Variants in RHOBTB2 observed in about 807,000 individuals in gnomAD.
RHOBTB2 encodes Rho related BTB domain containing 2, also known as rho-related BTB domain-containing protein 2.
RHOBTB2 carries 39 observed loss-of-function variants against 66.5 expected under a neutral mutation model. The observed-to-expected ratio is 0.59, with a 90% confidence interval of 0.45 to 0.77. The LOEUF is 0.77. RHOBTB2 is among the 30% of genes least tolerant of loss of function. The probability of loss-of-function intolerance (pLI) is 0.00; values close to 1 mark genes in which losing one functional copy is unlikely to be tolerated. For synonymous variants in RHOBTB2, 390 were observed against 395.0 expected, an observed-to-expected ratio of 0.99 and a Z score of 0.15; for missense variants, 755 against 999.1, an observed-to-expected ratio of 0.76 and a Z score of 3.29.
chr8:23,014,965 C>G (rs1252854901), intron 8 of RHOBTB2, among the ~76,000 whole-genome samples, 187 bp downstream of exon 8: 1 of 152,094 alleles, frequency 6.6e-6, no homozygotes, highest in East Asian at 1.9e-4. Flanking sequence ...CCCTGGTGTA[C>G]CCGGAGGGGA....
the RHOBTB2 span, among the ~76,000 whole-genome samples, chr8:22,974,540 C>T: frequency 6.6e-6 from 1 of 152,224 alleles, no homozygotes; most frequent in African/African-American, 2.4e-5. Flanking sequence ...AATTTTCCTC[C>T]TCCTGAGGCC....
intron 6 of RHOBTB2, among the ~76,000 whole-genome samples, chr8:23,009,600 C>T (rs1399151703): frequency 2.0e-5 from 3 of 152,180 alleles, no homozygotes; most frequent in African/African-American, 4.8e-5. Context: ...ACCCTCTCAG[C>T]GCCAGTCTCT....
intron 1 of RHOBTB2, among the ~76,000 whole-genome samples, chr8:23,000,441 AAAC>A (rs1473127814): frequency 6.6e-6 from 1 of 152,254 alleles, no homozygotes; most frequent in East Asian, 1.9e-4. Context: ...TCTGTTAAGA[AAAC>A]AAACACAAAA....
At chr8:23,005,574 G>A (rs1476563386) in intron 3 of RHOBTB2, 99 bp downstream of exon 3, 1 of 855,668 alleles carries the variant, frequency 1.2e-6, no homozygotes, top group Non-Finnish European at 1.9e-6. Context: ...CAGCTGGCAA[G>A]AAGAAGTGGA....
the RHOBTB2 span, among the ~76,000 whole-genome samples, chr8:22,974,393 G>A: frequency 6.6e-6 from 1 of 152,206 alleles, no homozygotes; most frequent in African/African-American, 2.4e-5. Context: ...ACAAGGCAGA[G>A]GCAAAGTGCG....
rs138772875 is a variant in RHOBTB2 at position 23,017,424 on chromosome 8, G to A, written c.2139G>A (p.Ser713=). Residue 713 remains serine, a synonymous_variant, in exon 10 of 10, where the codon TCG becomes TCA. Coordinates refer to ENST00000251822, the MANE Select transcript of RHOBTB2 (RefSeq NM_015178.3). This position sits in a 1 kb window ranked among gnomAD's most constrained non-coding sequence, Gnocchi z 5.3. The part of the protein sequence containing the change: ...FWNSPSSPSS[S]AASSSSPSSS... ...ACAGTCCATCCTCCCCGTCTTCCTC[G>A]GCAGCCTCCTCCTCATCCCCATCTT... 140 of 1,610,276 alleles carry A rather than the reference G, an allele frequency of 8.7e-5. No homozygotes were observed. The highest frequency in any genetic ancestry group is 2.7e-4 in the Admixed American group (16 of 59,332).
upstream of RHOBTB2, among the ~76,000 whole-genome samples, chr8:22,986,425 C>A (rs1258760491): frequency 6.6e-6 from 1 of 151,832 alleles, no homozygotes; most frequent in South Asian, 2.1e-4. Context: ...GGCTACCATG[C>A]CTGGCTAATT....
chr8:22,978,587 AG>A, the RHOBTB2 span, among the ~76,000 whole-genome samples: 5 of 144,848 alleles, frequency 3.5e-5, no homozygotes, highest in South Asian at 6.5e-4. Context: ...TTTTTTTTTT[AG>A]TTTTTTTTAT....
chr8:22,955,564 CTTTTTT>C, the RHOBTB2 span, among the ~76,000 whole-genome samples: 2 of 103,968 alleles, frequency 1.9e-5, no homozygotes, highest in Non-Finnish European at 3.9e-5. Flanking sequence ...TTCAATAAAT[CTTTTTT>C]TTTTTTTTTT....
chr8:23,003,303 C>T (rs1007349273), intron 1 of RHOBTB2, among the ~76,000 whole-genome samples: 1 of 152,242 alleles, frequency 6.6e-6, no homozygotes, highest in Non-Finnish European at 1.5e-5. Context: ...TACAGAAGTG[C>T]CTTCTGTTTG....
chr8:23,002,869 C>T (rs925325395), intron 1 of RHOBTB2, among the ~76,000 whole-genome samples: 3 of 152,170 alleles, frequency 2.0e-5, no homozygotes, highest in Non-Finnish European at 2.9e-5. Flanking sequence ...CCTTGCTGCA[C>T]TTTTTGCTTA....
At chr8:22,958,694 G>T in the RHOBTB2 span, among the ~76,000 whole-genome samples, 3 of 150,844 alleles carry the variant, frequency 2.0e-5, no homozygotes, top group Admixed American at 6.6e-5. Context: ...CCGGCTACAT[G>T]GGAGGCTGAG....
intron 1 of RHOBTB2, among the ~76,000 whole-genome samples, chr8:22,989,341 T>C (rs1470810058): frequency 6.6e-6 from 1 of 152,064 alleles, no homozygotes; most frequent in Non-Finnish European, 1.5e-5. Context: ...AGAGACAGGG[T>C]TTCATCATGT....
chr8:22,996,066 C>T (rs1167385648), upstream of RHOBTB2, among the ~76,000 whole-genome samples: 1 of 152,196 alleles, frequency 6.6e-6, no homozygotes, highest in South Asian at 2.1e-4. Context: ...TGCTAAGAGC[C>T]AGGATGGAGG....
chr8:23,006,478 G>C lies in RHOBTB2; in HGVS notation c.483-250G>C. 1.8e-6 allele frequency: 1 copy of C among 565,716 alleles called. No homozygotes were observed. The highest frequency in any genetic ancestry group is 3.1e-6 in the Non-Finnish European group (1 of 319,426). 35.0% of individuals were successfully genotyped at this position (565,716 alleles called of 1,614,324 possible). A position where few individuals can be genotyped will look rare whatever the true frequency, so the allele number is the denominator to read the frequency against. On this transcript the variant is annotated intron_variant, in intron 4 of 9. Transcript: ENST00000251822. The surrounding 1 kb of genome is among the most constrained non-coding windows in gnomAD (Gnocchi z 6.1). ...GAAGCATTGCCTGCTAATTGCCAGA[G>C]AGGCAGTGCTGTCACGGCTTTGTAC...
At chr8:22,977,208 C>T in the RHOBTB2 span, among the ~76,000 whole-genome samples, 5 of 152,324 alleles carry the variant, frequency 3.3e-5, no homozygotes, top group South Asian at 1.0e-3. Context: ...ACATGCTGCA[C>T]AAAGGTAGGA....
intron 1 of RHOBTB2, among the ~76,000 whole-genome samples, chr8:23,002,273 T>C (rs1208481538): frequency 6.6e-6 from 1 of 152,244 alleles, no homozygotes; most frequent in Non-Finnish European, 1.5e-5. Flanking sequence ...ACAGCCCAGA[T>C]GCTGCCTCCT....
chr8:22,986,262 T>C (rs1368303882), upstream of RHOBTB2, among the ~76,000 whole-genome samples: 1 of 143,632 alleles, frequency 7.0e-6, no homozygotes, highest in Non-Finnish European at 1.5e-5. Flanking sequence ...GCCCAGTGCA[T>C]TGCTTTTTTT....
the RHOBTB2 span, among the ~76,000 whole-genome samples, chr8:22,971,157 AT>A: frequency 1.3e-5 from 2 of 150,372 alleles, no homozygotes; most frequent in African/African-American, 4.9e-5. Context: ...CTCAGCCCAT[AT>A]TACTTCTCTC....
Sources: gnomAD v4.1 joint callset for allele counts (sites outside exome capture counted in the v4.1 genomes callset) on GRCh38, gnomAD v4.1.1 for gene constraint, Gnocchi (gnomAD v3.1) non-coding constraint, MANE v1.5 for transcripts, NCBI Gene and HGNC (gene_info 2026-07-23, HGNC 2026-07-21) for gene names.